ASB3: variants seen among roughly 807,000 people sequenced by gnomAD.
The protein encoded by ASB3 is ankyrin repeat and SOCS box protein 3.
Under a neutral mutation model 54.5 loss-of-function variants are expected in ASB3, and 41 were observed. That is an observed-to-expected ratio of 0.75 (90% CI 0.59 to 0.98). The LOEUF (loss-of-function observed/expected upper bound fraction) is 0.98, where lower values mean the gene tolerates loss of function less well. Among genes scored for constraint, ASB3 ranks in the 50% least tolerant of loss-of-function variants. The pLI is 0.00. For synonymous variants in ASB3, 266 were observed against 221.2 expected (o/e 1.20, Z -1.80); for missense variants, 733 against 620.0 (o/e 1.18, Z -1.94).
rs139027544 is a variant in ASB3, at chr2:53,751,979, G to A, written c.197-1038C>T. Among the ~76,000 whole-genome samples the A allele has an allele frequency of 9.0e-3, 1,366 of 152,204 alleles. 16 individuals carry two copies. Among genetic ancestry groups the A allele is most frequent in the African/African-American group, 0.03 (1,257 of 41,524 alleles). On this transcript the variant is annotated intron_variant, in intron 2 of 9. Transcript: ENST00000263634. ...TCAAAGTAGTTTATTGAGATTAGTC[G>A]GAGATTAGTCAGACATGACCCTTAT... is the stretch of plus-strand genomic sequence containing the variant.
intron 1 of ASB3, chr2:53,786,319 A>G (rs1346314003): frequency 6.6e-6 from 1 of 152,174 alleles, no homozygotes; most frequent in Admixed American, 6.5e-5. Flanking sequence ...CCAACACTTC[A>G]ATCTAGAGAT....
chr2:53,784,100 G>A (rs1027850147), intron 1 of ASB3, among the ~76,000 whole-genome samples: 4 of 152,220 alleles, frequency 2.6e-5, no homozygotes, highest in African/African-American at 9.6e-5. Flanking sequence ...GGCAGAGGTA[G>A]AATTACATTT....
intron 7 of ASB3, among the ~76,000 whole-genome samples, chr2:53,711,638 G>A (rs562419307): frequency 1.3e-5 from 2 of 152,260 alleles, no homozygotes; most frequent in East Asian, 3.9e-4. Context: ...GCTGAGCATG[G>A]TGGCACATGC....
chr2:53,692,845 A>G (rs994861603), intron 9 of ASB3, among the ~76,000 whole-genome samples: 1 of 152,220 alleles, frequency 6.6e-6, no homozygotes, highest in African/African-American at 2.4e-5. Flanking sequence ...ATTAAGAGTT[A>G]CACAGAGTGA....
At position 53,697,102 on chromosome 2, in the gene ASB3, G is replaced by C. The variant is rs1045832447; in HGVS notation, c.1239-3088C>G. 2.6e-5 allele frequency among the ~76,000 whole-genome samples: 4 copies of C among 152,192 alleles called. No individual in the cohort carries two copies. In the East Asian group the frequency reaches 7.7e-4, roughly 29 times the overall value. On this transcript the variant is annotated intron_variant, in intron 8 of 9. Coordinates refer to ENST00000263634, the MANE Select transcript of ASB3 (RefSeq NM_016115.5). ...GCTGGCCAAACCCCATCAAAACGAA[G>C]ATGGTGATGAAAGTGACCTCTGGTC...
In ASB3 at chr2:53,670,608, A is replaced by G. The variant is rs1047028307; in HGVS notation, c.1452T>C (p.Tyr484=). The G allele has an allele frequency of 1.8e-5, 29 of 1,613,972 alleles. No homozygotes were observed. Among genetic ancestry groups the G allele is most frequent in the Admixed American group, 3.3e-5 (2 of 60,000 alleles). The stretch of plus-strand genomic sequence containing the variant: ...TTCTGGGAAGTGGCAGCTGACTAAT[A>G]TAACTGTCAGACCGTAGACGTTCTG... ...LKSERLRSDS[Y]ISQLPLPRSL... is the part of the protein sequence containing the mutation. The change falls in exon 10 of 10, where the codon TAT becomes TAC. Residue 484 remains tyrosine, a synonymous_variant. Coordinates refer to ENST00000263634, the MANE Select transcript of ASB3 (RefSeq NM_016115.5).
At chr2:53,673,414 T>C (rs919917471) in intron 9 of ASB3, among the ~76,000 whole-genome samples, 5 of 152,198 alleles carry the variant, frequency 3.3e-5, no homozygotes, top group African/African-American at 1.2e-4. Context: ...ACTGGGAAGA[T>C]TCCTCCAGAT....
chr2:53,736,112 A>G (rs1275759137), intron 3 of ASB3, among the ~76,000 whole-genome samples: 2 of 152,178 alleles, frequency 1.3e-5, no homozygotes, highest in Non-Finnish European at 2.9e-5. Flanking sequence ...GATAAATTGG[A>G]CCACGTTAAA....
At chr2:53,718,594 T>C (rs1670523855) in intron 5 of ASB3, among the ~76,000 whole-genome samples, 1 of 151,984 alleles carries the variant, frequency 6.6e-6, no homozygotes, top group African/African-American at 2.4e-5. Flanking sequence ...GACCCCATAA[T>C]ACAATCATAC....
chr2:53,733,759 A>G (rs563535354), intron 3 of ASB3, among the ~76,000 whole-genome samples: 6 of 152,336 alleles, frequency 3.9e-5, no homozygotes, highest in African/African-American at 1.4e-4. Flanking sequence ...GTGGTGCTAG[A>G]GGAATTAAAG....
intron 1 of ASB3, chr2:53,775,263 C>T (rs1171869320): frequency 6.6e-6 from 1 of 152,532 alleles, no homozygotes; most frequent in Admixed American, 6.5e-5. Flanking sequence ...GCTGATACTA[C>T]AAATTAATGG....
intron 7 of ASB3, among the ~76,000 whole-genome samples, chr2:53,706,242 A>G (rs1289676059): frequency 1.3e-5 from 2 of 152,164 alleles, no homozygotes; most frequent in Non-Finnish European, 2.9e-5. Flanking sequence ...ATCCCTCCAC[A>G]AGGCATTGAG....
At chr2:53,767,471 A>G (rs1202135609) in intron 1 of ASB3, 2 of 158,848 alleles carry the variant, frequency 1.3e-5, no homozygotes, top group Non-Finnish European at 2.8e-5. Flanking sequence ...CCGCCTCCGT[A>G]TCTGGACACG....
chr2:53,729,370 C>T (rs1204738124), intron 4 of ASB3, 88 bp downstream of exon 4: 2 of 1,338,526 alleles, frequency 1.5e-6, no homozygotes, highest in Admixed American at 1.9e-5. Context: ...CACAGGCAAG[C>T]AGAAAGCAAA....
At chr2:53,707,554 G>A (rs1232337153) in intron 7 of ASB3, among the ~76,000 whole-genome samples, 1 of 152,102 alleles carries the variant, frequency 6.6e-6, no homozygotes. Flanking sequence ...AGGCTGAGGT[G>A]GAGAATGGCA....
rs947869056 is a variant in ASB3, at chr2:53,683,503, T to C, written c.1369+10381A>G. Among the ~76,000 whole-genome samples, 64 of 152,306 alleles carry C rather than the reference T, an allele frequency of 4.2e-4. 1 individual carries two copies. Among genetic ancestry groups the C allele is most frequent in the Admixed American group, 3.9e-3 (60 of 15,300 alleles). On this transcript the variant is annotated intron_variant, in intron 9 of 9. Transcript: ENST00000263634. ...GTAATACTGGCCTCATACAGTACAT[T>C]TGGAAATATTTCCTCCTCTATTTTT...
chr2:53,740,321 G>T lies in ASB3; in HGVS notation c.355+10462C>A, dbSNP rs557045481. Among the ~76,000 whole-genome samples, 12 of 152,238 alleles carry T rather than the reference G, an allele frequency of 7.9e-5. No homozygotes were observed. The South Asian group carries it at 1.5e-3, about 18-fold the overall frequency. The stretch of plus-strand genomic sequence containing the variant: ...TGAACCAAAAAAGGAACATTTGTAA[G>T]AACATTTATCTCCTGCAGTATTTCT... On this transcript the variant is annotated intron_variant, in intron 3 of 9. Transcript: ENST00000263634.
chr2:53,697,489 A>G (rs1669249202), intron 8 of ASB3, among the ~76,000 whole-genome samples: 1 of 152,160 alleles, frequency 6.6e-6, no homozygotes, highest in Non-Finnish European at 1.5e-5. Flanking sequence ...GAGATCCAAG[A>G]ACCCTCTCTT....
chr2:53,747,074 G>A (rs1672266329), intron 3 of ASB3, among the ~76,000 whole-genome samples: 1 of 152,042 alleles, frequency 6.6e-6, no homozygotes, highest in Non-Finnish European at 1.5e-5. Context: ...TAAAAACTAT[G>A]CATCTCTAAT....
Sources: gnomAD v4.1 joint callset for allele counts (sites outside exome capture counted in the v4.1 genomes callset) on GRCh38, gnomAD v4.1.1 for gene constraint, MANE v1.5 for transcripts, NCBI Gene and HGNC (gene_info 2026-07-23, HGNC 2026-07-21) for gene names.